UNC80: variants seen among roughly 807,000 people sequenced by gnomAD.
The protein encoded by UNC80 is unc-80 subunit of NALCN channel complex, also known as protein unc-80 homolog.
In UNC80, 164 loss-of-function variants were observed where a neutral mutation model predicts 384.6. That is an observed-to-expected ratio of 0.43 (90% CI 0.38 to 0.49). The LOEUF (loss-of-function observed/expected upper bound fraction) is 0.49, where lower values mean the gene tolerates loss of function less well. Ranked by LOEUF, UNC80 falls within the 20% of genes least tolerant of loss-of-function variation. UNC80 has a pLI of 0.00. For synonymous variants in UNC80, 1,486 were observed against 1,527.8 expected (o/e 0.97, Z 0.64); for missense variants, 3,330 against 4,143.0 (o/e 0.80, Z 5.39).
chr2:209,949,533 A>G (rs563743256), intron 47 of UNC80, among the ~76,000 whole-genome samples: 2 of 151,206 alleles, frequency 1.3e-5, no homozygotes, highest in South Asian at 2.2e-4. Flanking sequence ...GCTGGAGTGC[A>G]ATGGCATAAT....
intron 7 of UNC80, among the ~76,000 whole-genome samples, chr2:209,799,870 G>A (rs1412220145): frequency 6.6e-6 from 1 of 152,132 alleles, no homozygotes; most frequent in Non-Finnish European, 1.5e-5. Context: ...GATGAATTAC[G>A]TTTATTGATT....
chr2:209,944,516 C>A (rs1242827602), intron 45 of UNC80, among the ~76,000 whole-genome samples: 1 of 152,058 alleles, frequency 6.6e-6, no homozygotes, highest in East Asian at 1.9e-4. Flanking sequence ...TTTTCTATAA[C>A]CTCAGTGTGT....
At chr2:209,783,243 G>A (rs2077245323) in intron 4 of UNC80, among the ~76,000 whole-genome samples, 1 of 152,068 alleles carries the variant, frequency 6.6e-6, no homozygotes, top group South Asian at 2.1e-4. Flanking sequence ...TAGACTACCT[G>A]CTTTACAACT....
At chr2:209,866,331 T>G (rs1417622745) in intron 22 of UNC80, among the ~76,000 whole-genome samples, 1 of 152,158 alleles carries the variant, frequency 6.6e-6, no homozygotes, top group Admixed American at 6.5e-5. Flanking sequence ...TCACCTTTTC[T>G]CTTTTCAACT....
At chr2:209,993,869 C>A (rs547211120) in intron 63 of UNC80, among the ~76,000 whole-genome samples, 196 bp from the exon 64 acceptor site, 1 of 152,106 alleles carries the variant, frequency 6.6e-6, no homozygotes, top group Non-Finnish European at 1.5e-5. Context: ...GATTTTTCTA[C>A]GTAAGTCTTA....
At position 209,999,246 on chromosome 2, in the gene UNC80, C is replaced by G. The variant is rs2093525380; in HGVS notation, c.*3651C>G. The G allele has an allele frequency of 6.6e-6, 1 of 152,156 alleles. No individual in the cohort carries two copies. The highest frequency in any genetic ancestry group is 1.5e-5 in the Non-Finnish European group (1 of 68,020). The allele number at this position is 152,156 out of a possible 1,614,324, so 9.4% of individuals were successfully genotyped here. ...AAGATATTTATGAAAGATATTAAGA[C>G]TTCTGTGTTTAGGTATGCACATATG... On this transcript the variant is annotated 3_prime_UTR_variant, in exon 65 of 65. Transcript: ENST00000673920.
At chr2:209,776,257 T>C (rs2076856559) in intron 3 of UNC80, among the ~76,000 whole-genome samples, 1 of 152,254 alleles carries the variant, frequency 6.6e-6, no homozygotes, top group Admixed American at 6.5e-5. Context: ...TTTTTAATTT[T>C]ACAAGTAATA....
At chr2:209,820,814 C>G in intron 13 of UNC80, 135 bp downstream of exon 13, 1 of 952,096 alleles carries the variant, frequency 1.1e-6, no homozygotes, top group South Asian at 2.0e-5. Flanking sequence ...GGAGAAATCT[C>G]TTCATTAGGT....
Position 209,872,599 on chromosome 2 carries a change from G to C in UNC80, c.3628-159G>C, listed in dbSNP as rs921288959. On this transcript the variant is annotated intron_variant, in intron 22 of 64. Coordinates refer to ENST00000673920, the MANE Select transcript of UNC80 (RefSeq NM_001371986.1). The surrounding 1 kb of genome is among the most constrained non-coding windows in gnomAD (Gnocchi z 4.1). ...TTTGCTTTCCAGATTTCTCACTACT[G>C]TGTTGGCCATACTGACACCACCCTG... 3.9e-5 allele frequency among the ~76,000 whole-genome samples: 6 copies of C among 152,142 alleles called. No homozygotes were observed. The highest frequency in any genetic ancestry group is 1.4e-4 in the African/African-American group (6 of 41,428).
At chr2:209,785,993 C>T in intron 4 of UNC80, 73 bp from the exon 5 acceptor site, 1 of 1,512,456 alleles carries the variant, frequency 6.6e-7, no homozygotes, top group Non-Finnish European at 9.0e-7. Context: ...GATGTTAATC[C>T]TTGCATTGAT....
intron 7 of UNC80, among the ~76,000 whole-genome samples, chr2:209,808,524 TAA>T (rs535979983): frequency 2.9e-4 from 35 of 120,720 alleles, no homozygotes; most frequent in East Asian, 5.0e-4. Context: ...ATCGCGCCAC[TAA>T]AAAAAAAAAA....
intron 14 of UNC80, among the ~76,000 whole-genome samples, chr2:209,828,361 A>T (rs2080698310): frequency 6.6e-6 from 1 of 152,218 alleles, no homozygotes; most frequent in Non-Finnish European, 1.5e-5. Flanking sequence ...GGGAATAAAA[A>T]TACCTAATTT....
chr2:209,989,252 G>A (rs1173619510), intron 61 of UNC80, among the ~76,000 whole-genome samples: 1 of 151,772 alleles, frequency 6.6e-6, no homozygotes, highest in African/African-American at 2.4e-5. Context: ...TTGAACGCAG[G>A]AGGTGGAGGA....
In UNC80 at chr2:209,872,865, C is replaced by T. The variant is rs2084418734; in HGVS notation, c.3735C>T (p.Asn1245=). Residue 1245 remains asparagine, a synonymous_variant, in exon 23 of 65, where the codon AAC becomes AAT. Coordinates refer to ENST00000673920, the MANE Select transcript of UNC80 (RefSeq NM_001371986.1). This position sits in a 1 kb window ranked among gnomAD's most constrained non-coding sequence, Gnocchi z 4.1. ...WPEWMKGHHV[N]ITKKGLSRGR... ...AGTGGATGAAAGGGCACCACGTGAA[C>T]ATCACCAAGAAAGGACTTTCCCGGG... 2 of 1,551,502 alleles carry T rather than the reference C, an allele frequency of 1.3e-6. No homozygotes were observed. Among genetic ancestry groups the T allele is most frequent in the Non-Finnish European group, 1.7e-6 (2 of 1,146,856 alleles).
At position 209,870,157 on chromosome 2, in the gene UNC80, G is replaced by A. The variant is rs551764237; in HGVS notation, c.3628-2601G>A. The stretch of plus-strand genomic sequence containing the variant: ...CCTTGTTAATCCTGAAGGAGCCAGG[G>A]TTCACAATATAATGCTATTTCAGCA... On this transcript the variant is annotated intron_variant, in intron 22 of 64. Transcript: ENST00000673920. 3.9e-5 allele frequency among the ~76,000 whole-genome samples: 6 copies of A among 152,124 alleles called. No individual in the cohort carries two copies. In the South Asian group the frequency reaches 1.0e-3, roughly 26 times the overall value.
intron 43 of UNC80, among the ~76,000 whole-genome samples, chr2:209,940,527 A>C (rs2091556196): frequency 6.6e-6 from 1 of 152,164 alleles, no homozygotes; most frequent in Admixed American, 6.5e-5. Flanking sequence ...CAGAAGCTTC[A>C]GACAGGCTGG....
intron 13 of UNC80, 133 bp downstream of exon 13, chr2:209,820,812 C>G: frequency 1.0e-6 from 1 of 984,268 alleles, no homozygotes; most frequent in East Asian, 2.6e-5. Flanking sequence ...GTGGAGAAAT[C>G]TCTTCATTAG....
At chr2:209,911,126 G>C (rs189964406) in intron 29 of UNC80, among the ~76,000 whole-genome samples, 1 of 152,112 alleles carries the variant, frequency 6.6e-6, no homozygotes, top group East Asian at 1.9e-4. Flanking sequence ...AGGGCGGCAG[G>C]AGAGAGAATG....
chr2:209,973,713 G>A (rs141759032), intron 56 of UNC80, among the ~76,000 whole-genome samples: 35 of 152,288 alleles, frequency 2.3e-4, no homozygotes, highest in African/African-American at 8.4e-4. Flanking sequence ...CAAAGACACA[G>A]CATTGCACAA....
Sources: gnomAD v4.1 joint callset for allele counts (sites outside exome capture counted in the v4.1 genomes callset) on GRCh38, gnomAD v4.1.1 for gene constraint, Gnocchi (gnomAD v3.1) non-coding constraint, MANE v1.5 for transcripts, NCBI Gene and HGNC (gene_info 2026-07-23, HGNC 2026-07-21) for gene names.